Variants in RGS7 observed in about 807,000 individuals in gnomAD.
RGS7 encodes the protein regulator of G-protein signaling 7.
RGS7 carries 27 observed loss-of-function variants against 81.1 expected under a neutral mutation model. That is an observed-to-expected ratio of 0.33 (90% CI 0.25 to 0.46). The LOEUF is 0.46. Among genes scored for constraint, RGS7 ranks in the 20% least tolerant of loss-of-function variants. The pLI, the probability that RGS7 is intolerant of heterozygous loss-of-function variation, is 1.00. For synonymous variants in RGS7, 208 were observed against 207.7 expected, an observed-to-expected ratio of 1.00 and a Z score of -0.01; for missense variants, 396 against 607.4, an observed-to-expected ratio of 0.65 and a Z score of 3.66.
At chr1:241,073,857 A>T (rs191070632) in intron 3 of RGS7, among the ~76,000 whole-genome samples, 1 of 151,896 alleles carries the variant, frequency 6.6e-6, no homozygotes, top group East Asian at 1.9e-4. Flanking sequence ...TACCTTAGCG[A>T]TAAAAGTAGA....
At chr1:240,987,929 T>C (rs1685915005) in intron 3 of RGS7, among the ~76,000 whole-genome samples, 3 of 152,228 alleles carry the variant, frequency 2.0e-5, no homozygotes, top group Non-Finnish European at 4.4e-5. Context: ...GCACAATAAA[T>C]GTTTATTATC....
intron 18 of RGS7, among the ~76,000 whole-genome samples, chr1:240,789,230 TCTTTA>T (rs1685557127): frequency 6.6e-6 from 1 of 152,218 alleles, no homozygotes; most frequent in African/African-American, 2.4e-5. Context: ...CCTATGCCTG[TCTTTA>T]CTTTAATCTC....
rs1491281246 is a variant in RGS7 at position 241,089,020 on chromosome 1, C to CCTCTCTCTCTCT, written c.175+9645_175+9646insAGAGAGAGAGAG. 1.4e-3 allele frequency among the ~76,000 whole-genome samples: 62 copies of CCTCTCTCTCTCT among 45,420 alleles called. 2 individuals carry two copies. The highest frequency in any genetic ancestry group is 2.7e-3 in the African/African-American group (23 of 8,462). 29.8% of individuals were successfully genotyped at this position (45,420 alleles called of 152,430 possible). On this transcript the variant is annotated intron_variant, in intron 3 of 18. Coordinates refer to ENST00000440928, the MANE Select transcript of RGS7 (RefSeq NM_001364886.1). ...CAGCCTGGGCCACAGAGCAAGACTC[C>CCTCTCTCTCTCT]ATCTCTCTCTCTCTCTCTCTCTCTC... is the stretch of plus-strand genomic sequence containing the variant.
At chr1:240,886,292 A>G (rs1036201600) in intron 6 of RGS7, among the ~76,000 whole-genome samples, 1 of 152,202 alleles carries the variant, frequency 6.6e-6, no homozygotes, top group Non-Finnish European at 1.5e-5. Flanking sequence ...TAATCCATCC[A>G]GTGGAACATG....
intron 2 of RGS7, among the ~76,000 whole-genome samples, chr1:241,350,583 C>G (rs757537376): frequency 6.6e-6 from 1 of 151,870 alleles, no homozygotes; most frequent in Non-Finnish European, 1.5e-5. Flanking sequence ...TGTAGTAAAC[C>G]CAGACGGATT....
intron 2 of RGS7, among the ~76,000 whole-genome samples, chr1:241,306,668 AC>A (rs919703695): frequency 2.0e-5 from 3 of 150,782 alleles, no homozygotes; most frequent in East Asian, 2.0e-4. Context: ...ATACATGTCC[AC>A]CCAACACATG....
chr1:240,998,531 G>T, intron 3 of RGS7: 1 of 914,384 alleles, frequency 1.1e-6, no homozygotes, highest in Non-Finnish European at 1.7e-6. Flanking sequence ...CTCAGCTGGA[G>T]CAGCAGCAGC....
intron 2 of RGS7, among the ~76,000 whole-genome samples, chr1:241,127,401 C>T (rs1383386192): frequency 6.6e-6 from 1 of 152,132 alleles, no homozygotes; most frequent in Non-Finnish European, 1.5e-5. Context: ...CGTCAATAAT[C>T]CCTACTCGAC....
chr1:241,104,689 A>G (rs2815835), intron 2 of RGS7, among the ~76,000 whole-genome samples: 82,050 of 152,128 alleles, frequency 0.54, 25,859 homozygotes, highest in African/African-American at 0.89. Context: ...AGTGTATTTT[A>G]CAAAGTAATT....
rs189765578 is a variant in RGS7, at chr1:240,959,218, G to A, written c.227-22512C>T. Among the ~76,000 whole-genome samples the A allele has an allele frequency of 1.3e-3, 196 of 152,334 alleles. 2 individuals are homozygous for A. The highest frequency in any genetic ancestry group is 4.5e-3 in the African/African-American group (188 of 41,588). ...AAGAATCAATGCCTTGATTTAAGCT[G>A]TGCAGCTAACAGTAGCTCTGAGAAT... On this transcript the variant is annotated intron_variant, in intron 4 of 18. Transcript: ENST00000440928.
chr1:241,069,192 A>C (rs1477075357), intron 3 of RGS7, among the ~76,000 whole-genome samples: 1 of 152,118 alleles, frequency 6.6e-6, no homozygotes, highest in Non-Finnish European at 1.5e-5. Flanking sequence ...TTTTCCCCCA[A>C]TCTTGGCCAC....
At chr1:241,193,350 G>C (rs1349500167) in intron 2 of RGS7, among the ~76,000 whole-genome samples, 4 of 152,308 alleles carry the variant, frequency 2.6e-5, no homozygotes, top group East Asian at 3.9e-4. Flanking sequence ...GCCTCAGACT[G>C]TCTTTGCCAC....
intron 3 of RGS7, among the ~76,000 whole-genome samples, chr1:240,983,468 CA>C (rs1455351483): frequency 6.6e-6 from 1 of 152,092 alleles, no homozygotes; most frequent in Non-Finnish European, 1.5e-5. Flanking sequence ...ACAGCATAAC[CA>C]GTATTTTATA....
Position 241,006,257 on chromosome 1 carries a change from C to G in RGS7, c.176-23128G>C, listed in dbSNP as rs539587216. Among the ~76,000 whole-genome samples, 4 of 152,318 alleles carry G rather than the reference C, an allele frequency of 2.6e-5. No homozygotes were observed. The South Asian group carries it at 8.3e-4, about 32-fold the overall frequency. Reference sequence around the variant, plus strand: ...AGCAAATATTAATGCCATCAATATACAGCCTCCATACACATTTATCTGTCT... The same window carrying G: ...AGCAAATATTAATGCCATCAATATAGAGCCTCCATACACATTTATCTGTCT... On this transcript the variant is annotated intron_variant, in intron 3 of 18. Coordinates refer to ENST00000440928, the MANE Select transcript of RGS7 (RefSeq NM_001364886.1).
intron 9 of RGS7, among the ~76,000 whole-genome samples, chr1:240,831,697 G>A (rs1693879971): frequency 2.0e-5 from 3 of 149,650 alleles, no homozygotes; most frequent in South Asian, 2.1e-4. Flanking sequence ...GTGCAATGGC[G>A]CAATCTCGGC....
chr1:240,861,183 C>A (rs941306623), intron 9 of RGS7, among the ~76,000 whole-genome samples: 2 of 152,246 alleles, frequency 1.3e-5, no homozygotes, highest in Admixed American at 6.5e-5. Context: ...ATAAATAAAT[C>A]AACTATTCTC....
intron 4 of RGS7, 37 bp downstream of exon 4, chr1:240,983,042 G>A (rs1409042196): frequency 3.1e-6 from 4 of 1,282,210 alleles, no homozygotes; most frequent in Admixed American, 1.7e-5. Flanking sequence ...AAACCACTAA[G>A]AAAAAAGTTC....
chr1:241,286,872 T>C (rs1431102652), intron 2 of RGS7, among the ~76,000 whole-genome samples: 2 of 152,082 alleles, frequency 1.3e-5, no homozygotes, highest in Non-Finnish European at 2.9e-5. Context: ...CACACTACAA[T>C]CAACAAGGGA....
chr1:241,083,502 T>C (rs552826297), intron 3 of RGS7, among the ~76,000 whole-genome samples: 1 of 152,310 alleles, frequency 6.6e-6, no homozygotes, highest in Admixed American at 6.5e-5. Flanking sequence ...GCAGCTCGAT[T>C]GGCTATGTAG....
Sources: gnomAD v4.1 joint callset for allele counts (sites outside exome capture counted in the v4.1 genomes callset) on GRCh38, gnomAD v4.1.1 for gene constraint, MANE v1.5 for transcripts, NCBI Gene and HGNC (gene_info 2026-07-23, HGNC 2026-07-21) for gene names.